GRM8: variants seen among roughly 807,000 people sequenced by gnomAD.
GRM8 encodes the protein glutamate metabotropic receptor 8, also known as metabotropic glutamate receptor 8.
In GRM8, 47 loss-of-function variants were observed where a neutral mutation model predicts 87.2. The ratio of observed to expected loss-of-function variants is 0.54; its 90% CI spans 0.43 to 0.69. The LOEUF is 0.69. Ranked by LOEUF, GRM8 falls within the 30% of genes least tolerant of loss-of-function variation. GRM8 has a pLI of 0.00. For missense variants in GRM8, 1,019 were observed against 1,139.2 expected (o/e 0.89, Z 1.52); for synonymous variants, 396 against 404.5 (o/e 0.98, Z 0.25).
At chr7:127,069,826 C>G (rs1012625887) in intron 3 of GRM8, among the ~76,000 whole-genome samples, 1 of 152,212 alleles carries the variant, frequency 6.6e-6, no homozygotes, top group African/African-American at 2.4e-5. Context: ...CTGAGACAAA[C>G]TTTCCTCATT....
intron 2 of GRM8, among the ~76,000 whole-genome samples, chr7:127,135,433 A>G (rs954344184): frequency 1.3e-5 from 2 of 152,098 alleles, no homozygotes; most frequent in African/African-American, 4.8e-5. Context: ...AATATTTATA[A>G]TAAAGACATT....
intron 2 of GRM8, among the ~76,000 whole-genome samples, chr7:127,202,650 GC>G (rs1010116675): frequency 2.0e-5 from 3 of 151,920 alleles, no homozygotes; most frequent in African/African-American, 7.3e-5. Flanking sequence ...ACTGGTAAAG[GC>G]TCTGAGACTG....
intron 2 of GRM8, chr7:127,111,304 AATT>A (rs1191512202): frequency 2.0e-5 from 3 of 152,244 alleles, no homozygotes; most frequent in African/African-American, 4.8e-5. Context: ...TCAAGATTAA[AATT>A]ATATTTCAAA....
At chr7:126,657,050 T>C (rs1405336129) in intron 7 of GRM8, among the ~76,000 whole-genome samples, 1 of 152,240 alleles carries the variant, frequency 6.6e-6, no homozygotes, top group Non-Finnish European at 1.5e-5. Flanking sequence ...TACAATGGTT[T>C]CTATTATTTA....
At chr7:126,971,461 T>C (rs998669270) in intron 3 of GRM8, among the ~76,000 whole-genome samples, 9 of 152,174 alleles carry the variant, frequency 5.9e-5, no homozygotes, top group African/African-American at 2.2e-4. Flanking sequence ...AATATATTCA[T>C]ATACATCTCA....
In GRM8 at chr7:127,104,894, A is replaced by G. The variant is rs1825669413; in HGVS notation, c.727+1602T>C. ...TTTCACTTAACTTTTAGAACAATCC[A>G]TTTTGTTGGATTCTGCAACAAATGG... On this transcript the variant is annotated intron_variant, in intron 3 of 10. Coordinates refer to ENST00000339582, the MANE Select transcript of GRM8 (RefSeq NM_000845.3). Among the ~76,000 whole-genome samples the G allele has an allele frequency of 1.3e-5, 2 of 152,180 alleles. 1 individual carries two copies. The highest frequency in any genetic ancestry group is 1.3e-4 in the Admixed American group (2 of 15,270).
At position 126,533,078 on chromosome 7, in the gene GRM8, A is replaced by G. The variant is rs1815113158; in HGVS notation, c.2304T>C (p.Ile768=). ...LLMVTCTVYA[I]KTRGVPETFN... is the part of the protein sequence containing the mutation. ...AAGTCTCTGGGACACCTCTCGTTTT[A>G]ATGGCATAAACAGTACAAGTGACCA... The change falls in exon 9 of 11, where the codon ATT becomes ATC. Residue 768 remains isoleucine (I), a synonymous_variant. Transcript: ENST00000339582. The G allele has an allele frequency of 6.2e-7, 1 of 1,613,426 alleles. No homozygotes were observed. Among genetic ancestry groups the G allele is most frequent in the African/African-American group, 1.3e-5 (1 of 74,808 alleles).
intron 2 of GRM8, among the ~76,000 whole-genome samples, chr7:127,145,332 A>T (rs1027018586): frequency 1.3e-5 from 2 of 152,140 alleles, no homozygotes; most frequent in African/African-American, 2.4e-5. Flanking sequence ...TATGAACCAC[A>T]TTCTCTTTAT....
intron 3 of GRM8, among the ~76,000 whole-genome samples, chr7:126,926,485 T>G (rs1805137227): frequency 6.6e-6 from 1 of 152,198 alleles, no homozygotes; most frequent in African/African-American, 2.4e-5. Context: ...ACCTCTCACC[T>G]GGGTTACTAT....
chr7:126,966,560 G>A (rs1586619748), intron 3 of GRM8, among the ~76,000 whole-genome samples: 1 of 152,166 alleles, frequency 6.6e-6, no homozygotes, highest in Non-Finnish European at 1.5e-5. Context: ...CCATGAAAGA[G>A]AGAAAGAGAG....
chr7:127,092,901 G>T (rs931935659), intron 3 of GRM8, among the ~76,000 whole-genome samples: 1 of 152,154 alleles, frequency 6.6e-6, no homozygotes, highest in African/African-American at 2.4e-5. Flanking sequence ...CCTGCACCTG[G>T]CAATGCTCCC....
intron 3 of GRM8, among the ~76,000 whole-genome samples, chr7:127,096,387 C>A (rs1038703682): frequency 6.6e-6 from 1 of 151,926 alleles, no homozygotes; most frequent in African/African-American, 2.4e-5. Flanking sequence ...TGGTGAAACC[C>A]TATCTCTACT....
chr7:126,865,833 A>G (rs1235490884), intron 6 of GRM8, among the ~76,000 whole-genome samples: 1 of 152,138 alleles, frequency 6.6e-6, no homozygotes, highest in Non-Finnish European at 1.5e-5. Flanking sequence ...TCATTAATTG[A>G]TGGATATTCG....
intron 2 of GRM8, among the ~76,000 whole-genome samples, chr7:127,131,806 A>G (rs764614038): frequency 2.6e-5 from 4 of 151,184 alleles, no homozygotes; most frequent in African/African-American, 7.3e-5. Context: ...TTGCTATATT[A>G]CTCTTATAAT....
At chr7:127,122,822 C>T (rs944594744) in intron 2 of GRM8, among the ~76,000 whole-genome samples, 12 of 152,154 alleles carry the variant, frequency 7.9e-5, no homozygotes, top group Admixed American at 5.9e-4. Context: ...AAATTCAACA[C>T]GTCACCAAAA....
At chr7:126,595,681 T>C (rs1585162797) in intron 8 of GRM8, among the ~76,000 whole-genome samples, 1 of 152,032 alleles carries the variant, frequency 6.6e-6, no homozygotes, top group East Asian at 1.9e-4. Context: ...GCAAAGGACA[T>C]GATCTCCTTT....
At chr7:126,760,620 T>C (rs760145940) in intron 7 of GRM8, among the ~76,000 whole-genome samples, 1 of 152,134 alleles carries the variant, frequency 6.6e-6, no homozygotes, top group Non-Finnish European at 1.5e-5. Context: ...TATAAATTTT[T>C]AAAAAGTGAA....
At chr7:127,142,687 ATGGATGGATGGAT>A (rs1290309446) in intron 2 of GRM8, among the ~76,000 whole-genome samples, 4 of 152,118 alleles carry the variant, frequency 2.6e-5, no homozygotes, top group African/African-American at 9.7e-5. Context: ...GCATGGATAG[ATGGATGGATGGAT>A]TGGATGGATG....
At chr7:127,089,408 C>A (rs1196774358) in intron 3 of GRM8, among the ~76,000 whole-genome samples, 1 of 152,168 alleles carries the variant, frequency 6.6e-6, no homozygotes, top group African/African-American at 2.4e-5. Flanking sequence ...TGTTTTGAGC[C>A]ACCCAGTGTG....
Sources: gnomAD v4.1 joint callset for allele counts (sites outside exome capture counted in the v4.1 genomes callset) on GRCh38, gnomAD v4.1.1 for gene constraint, MANE v1.5 for transcripts, NCBI Gene and HGNC (gene_info 2026-07-23, HGNC 2026-07-21) for gene names.